FARS2: variants seen among roughly 807,000 people sequenced by gnomAD.
FARS2 encodes the protein phenylalanine--tRNA ligase, mitochondrial.
In FARS2, 40 loss-of-function variants were observed where a neutral mutation model predicts 46.4. That is an observed-to-expected ratio of 0.86 (90% CI 0.67 to 1.12). The LOEUF is 1.12. Ranked by LOEUF, FARS2 falls within the 50% of genes most tolerant of loss-of-function variation. The pLI is 0.00. For missense variants in FARS2, 513 were observed against 567.9 expected (o/e 0.90, Z 0.98); for synonymous variants, 234 against 214.9 (o/e 1.09, Z -0.78).
At chr6:5,301,462 A>T (rs118186441) in intron 1 of FARS2, among the ~76,000 whole-genome samples, 1 of 152,256 alleles carries the variant, frequency 6.6e-6, no homozygotes, top group Admixed American at 6.5e-5. Flanking sequence ...AAAAGAACAA[A>T]GAAGATGGCA....
intron 1 of FARS2, among the ~76,000 whole-genome samples, chr6:5,366,959 C>G (rs1230215841): frequency 6.6e-6 from 1 of 152,172 alleles, no homozygotes; most frequent in African/African-American, 2.4e-5. Flanking sequence ...GAAGCTCAGC[C>G]AAAAGCCCTT....
intron 2 of FARS2, among the ~76,000 whole-genome samples, chr6:5,379,480 A>C (rs765748180): frequency 1.2e-4 from 18 of 152,292 alleles, no homozygotes; most frequent in Admixed American, 4.6e-4. Flanking sequence ...CAGAAGTATT[A>C]TCTATAAGGA....
In FARS2 at chr6:5,769,434, A is replaced by G. The variant is rs540106856; in HGVS notation, c.1218-1857A>G. ...CTGTCTCGCTGCGTTTTGGTGCCTG[A>G]AAGGCTTGGGTGGGCATGGTACCTG... On this transcript the variant is annotated intron_variant, in intron 6 of 6. Transcript: ENST00000274680. Among the ~76,000 whole-genome samples the G allele has an allele frequency of 3.9e-5, 6 of 152,338 alleles. No homozygotes were observed. The East Asian group carries it at 1.2e-3, about 29-fold the overall frequency.
At chr6:5,656,561 T>TA (rs1447402436) in intron 6 of FARS2, among the ~76,000 whole-genome samples, 1 of 150,708 alleles carries the variant, frequency 6.6e-6, no homozygotes, top group Non-Finnish European at 1.5e-5. Flanking sequence ...TTCTTTGTTT[T>TA]TTTTTTGGAG....
chr6:5,691,989 G>T (rs190991540), intron 6 of FARS2, among the ~76,000 whole-genome samples: 81 of 152,350 alleles, frequency 5.3e-4, no homozygotes, highest in Middle Eastern at 3.4e-3. Context: ...CTCCGAGCCA[G>T]GCGCGGGATA....
At chr6:5,282,274 A>G (rs1168837079) in intron 1 of FARS2, among the ~76,000 whole-genome samples, 3 of 152,184 alleles carry the variant, frequency 2.0e-5, no homozygotes, top group East Asian at 1.9e-4. Flanking sequence ...CATGCAGCCT[A>G]TCATTGCCGT....
chr6:5,609,443 A>G, intron 5 of FARS2: 3 of 1,213,128 alleles, frequency 2.5e-6, no homozygotes, highest in South Asian at 1.2e-5. Flanking sequence ...AGCTTCCATC[A>G]TTACCAAATC....
intron 6 of FARS2, among the ~76,000 whole-genome samples, chr6:5,637,984 A>G (rs1419231075): frequency 6.6e-6 from 1 of 152,212 alleles, no homozygotes; most frequent in Non-Finnish European, 1.5e-5. Context: ...AGTTCAACCC[A>G]TAACAGATGC....
Position 5,498,549 on chromosome 6 carries a change from C to T in FARS2, c.905-46631C>T, listed in dbSNP as rs9502307. Among the ~76,000 whole-genome samples, 756 of 152,238 alleles carry T rather than the reference C, an allele frequency of 5.0e-3. 9 individuals are homozygous for T. The highest frequency in any genetic ancestry group is 0.017 in the African/African-American group (726 of 41,526). On this transcript the variant is annotated intron_variant, in intron 4 of 6. Coordinates refer to ENST00000274680, the MANE Select transcript of FARS2 (RefSeq NM_006567.5). ...CTCTAACACCAGCGGAGTGACTGCA[C>T]GCACCAGGTACTCAGTAGATGTTGG...
chr6:5,567,903 G>A (rs1343557836), intron 5 of FARS2, among the ~76,000 whole-genome samples: 2 of 152,194 alleles, frequency 1.3e-5, no homozygotes, highest in African/African-American at 4.8e-5. Context: ...ACTCTCAAAG[G>A]CCACTCCTTA....
intron 3 of FARS2, among the ~76,000 whole-genome samples, chr6:5,429,229 A>G (rs771756400): frequency 2.0e-4 from 31 of 152,314 alleles, no homozygotes; most frequent in Middle Eastern, 3.4e-3. Context: ...TACACTTTAT[A>G]TCTGTGCACT....
chr6:5,332,794 C>T (rs1770886519), intron 1 of FARS2, among the ~76,000 whole-genome samples: 3 of 152,152 alleles, frequency 2.0e-5, no homozygotes, highest in Admixed American at 2.0e-4. Context: ...ATGATATGTG[C>T]AGGACACATA....
At chr6:5,763,497 A>T (rs997047503) in intron 6 of FARS2, among the ~76,000 whole-genome samples, 1 of 152,122 alleles carries the variant, frequency 6.6e-6, no homozygotes, top group African/African-American at 2.4e-5. Context: ...CTGTCTTCTG[A>T]GGTGACTCCT....
chr6:5,589,575 A>G (rs1194004969), intron 5 of FARS2, among the ~76,000 whole-genome samples: 1 of 152,190 alleles, frequency 6.6e-6, no homozygotes, highest in African/African-American at 2.4e-5. Context: ...GAGTGCGGCT[A>G]CCTCTGCAGA....
rs79204658 is a variant in FARS2, at chr6:5,695,626, G to A, written c.1218-75665G>A. Among the ~76,000 whole-genome samples the A allele has an allele frequency of 9.4e-3, 1,430 of 152,298 alleles. 20 individuals carry two copies. The highest frequency in any genetic ancestry group is 0.033 in the African/African-American group (1,353 of 41,552). ...TGGGAGGATGAGTAACTTGTAGAAG[G>A]TCACACCATATATAAGTAATGGACC... On this transcript the variant is annotated intron_variant, in intron 6 of 6. Coordinates refer to ENST00000274680, the MANE Select transcript of FARS2 (RefSeq NM_006567.5).
chr6:5,634,827 G>A (rs2150727230), intron 6 of FARS2, among the ~76,000 whole-genome samples: 1 of 152,326 alleles, frequency 6.6e-6, no homozygotes, highest in South Asian at 2.1e-4. Context: ...CTTCGACCCA[G>A]CTAAATCATT....
At chr6:5,392,869 TTA>T (rs758902190) in intron 2 of FARS2, among the ~76,000 whole-genome samples, 32 of 147,226 alleles carry the variant, frequency 2.2e-4, no homozygotes, top group East Asian at 5.9e-4. Flanking sequence ...TGTGTATATA[TTA>T]TATATATGTA....
intron 6 of FARS2, among the ~76,000 whole-genome samples, chr6:5,726,969 C>T (rs1369841154): frequency 6.6e-6 from 1 of 152,224 alleles, no homozygotes; most frequent in Non-Finnish European, 1.5e-5. Flanking sequence ...TTGGTTAAAA[C>T]AAGCACAGTT....
chr6:5,380,787 C>T (rs1422876367), intron 2 of FARS2, among the ~76,000 whole-genome samples: 1 of 152,112 alleles, frequency 6.6e-6, no homozygotes, highest in East Asian at 1.9e-4. Flanking sequence ...CTCCCTGACT[C>T]ATCCTGGGAT....
Sources: gnomAD v4.1 joint callset for allele counts (sites outside exome capture counted in the v4.1 genomes callset) on GRCh38, gnomAD v4.1.1 for gene constraint, MANE v1.5 for transcripts, NCBI Gene and HGNC (gene_info 2026-07-23, HGNC 2026-07-21) for gene names.